RBKS: variants seen among roughly 807,000 people sequenced by gnomAD.
RBKS encodes ribokinase.
Under a neutral mutation model 33.9 loss-of-function variants are expected in RBKS, and 33 were observed. The observed-to-expected ratio is 0.97, with a 90% CI of 0.74 to 1.30. The LOEUF is 1.30. RBKS is among the 50% of genes most tolerant of loss of function. The pLI, the probability that RBKS is intolerant of heterozygous loss-of-function variation, is 0.00. For missense variants in RBKS, 361 were observed against 392.6 expected (o/e 0.92, Z 0.68); for synonymous variants, 125 against 143.0 (o/e 0.87, Z 0.90).
chr2:27,842,842 A>G (rs1305062976), intron 5 of RBKS, among the ~76,000 whole-genome samples: 1 of 151,932 alleles, frequency 6.6e-6, no homozygotes, highest in Non-Finnish European at 1.5e-5. Flanking sequence ...GCTACATTGA[A>G]GATTTATATT....
At chr2:27,861,658 CT>C in intron 1 of RBKS, 1 of 317,706 alleles carries the variant, frequency 3.1e-6, no homozygotes, top group South Asian at 2.3e-5. Context: ...TGTTCCATTT[CT>C]TTTTGGGGGG....
chr2:27,875,616 A>G (rs754536101), intron 1 of RBKS, among the ~76,000 whole-genome samples: 2 of 152,234 alleles, frequency 1.3e-5, no homozygotes, highest in Non-Finnish European at 2.9e-5. Context: ...AGCTCTAGGA[A>G]TTTACCTAAG....
At chr2:27,800,397 CT>C (rs1158042884) in intron 7 of RBKS, among the ~76,000 whole-genome samples, 2 of 152,172 alleles carry the variant, frequency 1.3e-5, no homozygotes, top group African/African-American at 4.8e-5. Context: ...CACTTACTAG[CT>C]GTGTGACCTC....
chr2:27,867,376 C>A (rs940812484), intron 1 of RBKS, among the ~76,000 whole-genome samples: 1 of 152,054 alleles, frequency 6.6e-6, no homozygotes, highest in Non-Finnish European at 1.5e-5. Flanking sequence ...GGGGTGAGAA[C>A]AGGGCAAAAG....
chr2:27,841,632 G>T (rs543006839), intron 5 of RBKS, among the ~76,000 whole-genome samples: 2 of 151,752 alleles, frequency 1.3e-5, no homozygotes, highest in Admixed American at 6.6e-5. Context: ...AAATCAGGAC[G>T]AACATTTTAA....
intron 7 of RBKS, among the ~76,000 whole-genome samples, chr2:27,818,291 T>C (rs1678136857): frequency 6.6e-6 from 1 of 152,190 alleles, no homozygotes; most frequent in Non-Finnish European, 1.5e-5. Context: ...CTGTACAAAG[T>C]AAGCAAGGCC....
chr2:27,826,555 T>G (rs910999635), intron 7 of RBKS, among the ~76,000 whole-genome samples: 3 of 152,038 alleles, frequency 2.0e-5, no homozygotes, highest in Non-Finnish European at 4.4e-5. Context: ...ACTACAGGTG[T>G]GCACCACCAT....
intron 1 of RBKS, among the ~76,000 whole-genome samples, chr2:27,887,301 A>G (rs1664554269): frequency 6.6e-6 from 1 of 152,064 alleles, no homozygotes; most frequent in Non-Finnish European, 1.5e-5. Context: ...AAGAAAACAG[A>G]TCCTCCTCTA....
At chr2:27,783,157 A>AGG (rs550706803) in intron 7 of RBKS, among the ~76,000 whole-genome samples, 25 of 152,210 alleles carry the variant, frequency 1.6e-4, no homozygotes, top group Non-Finnish European at 1.9e-4. Flanking sequence ...AAGATGCCCC[A>AGG]GGGGGCCGGG....
chr2:27,790,191 C>T (rs1677496129), intron 7 of RBKS, among the ~76,000 whole-genome samples: 1 of 151,892 alleles, frequency 6.6e-6, no homozygotes, highest in South Asian at 2.1e-4. Context: ...GAAACGCAAC[C>T]TGTACCCAGT....
At chr2:27,853,775 C>T (rs1016147361) in intron 2 of RBKS, among the ~76,000 whole-genome samples, 16 of 152,306 alleles carry the variant, frequency 1.1e-4, no homozygotes, top group African/African-American at 3.6e-4. Context: ...CTCATTTCTA[C>T]CATTTCTTCC....
At position 27,847,060 on chromosome 2, in the gene RBKS, T is replaced by C. The variant is rs142431910; in HGVS notation, c.331A>G (p.Ile111Val). The C allele has an allele frequency of 1.1e-4, 169 of 1,606,334 alleles. No homozygotes were observed. The highest frequency in any genetic ancestry group is 6.6e-4 in the African/African-American group (49 of 74,748). ...TKDAATGTAS[I>V]IVNNEGQNII... ...CACTTACCTTCATTATTGACAATTA[T>C]AGAAGCAGTTCCTGTAGCAGCATCT... The change falls in exon 4 of 8, where the codon ATA (isoleucine) becomes GTA (valine). Residue 111 changes from isoleucine (I) to valine (V), a missense_variant. Ile to Val is a conservative substitution (Grantham distance 29). Coordinates refer to ENST00000302188, the MANE Select transcript of RBKS (RefSeq NM_022128.3).
chr2:27,860,190 A>G (rs1663945735), intron 1 of RBKS, among the ~76,000 whole-genome samples: 2 of 152,204 alleles, frequency 1.3e-5, no homozygotes, highest in South Asian at 4.1e-4. Flanking sequence ...AAGGTACTCA[A>G]TCAAGAGAAA....
chr2:27,832,494 G>A (rs1181624721), intron 6 of RBKS, among the ~76,000 whole-genome samples, 192 bp downstream of exon 6: 1 of 152,132 alleles, frequency 6.6e-6, no homozygotes, highest in Non-Finnish European at 1.5e-5. Flanking sequence ...AAGTGACTCA[G>A]AGAATCCTTT....
intron 7 of RBKS, among the ~76,000 whole-genome samples, chr2:27,794,329 TAATA>T (rs1677596959): frequency 6.8e-6 from 1 of 147,410 alleles, no homozygotes; most frequent in Non-Finnish European, 1.5e-5. Flanking sequence ...ATAATAATAA[TAATA>T]ATAATAATAA....
chr2:27,819,795 GC>G (rs1293747530), intron 7 of RBKS, among the ~76,000 whole-genome samples: 1 of 152,222 alleles, frequency 6.6e-6, no homozygotes, highest in Non-Finnish European at 1.5e-5. Flanking sequence ...AAACAGTGAT[GC>G]TTTGACATTT....
intron 4 of RBKS, among the ~76,000 whole-genome samples, chr2:27,845,227 T>G (rs1301619359): frequency 6.6e-6 from 1 of 152,266 alleles, no homozygotes; most frequent in East Asian, 1.9e-4. Context: ...AGACTATAGC[T>G]GTCTGATGGA....
intron 1 of RBKS, among the ~76,000 whole-genome samples, chr2:27,859,850 TATATTA>T (rs1663936822): frequency 1.3e-5 from 2 of 152,226 alleles, no homozygotes; most frequent in African/African-American, 4.8e-5. Context: ...GTCAGTATCT[TATATTA>T]GAACAGAGCA....
Position 27,795,160 on chromosome 2 carries a change from TC to T in RBKS, c.796-13373del, listed in dbSNP as rs938978131. 2.0e-4 allele frequency among the ~76,000 whole-genome samples: 31 copies of T among 152,164 alleles called. No individual in the cohort carries two copies. The highest frequency in any genetic ancestry group is 7.5e-4 in the African/African-American group (31 of 41,440). On this transcript the variant is annotated intron_variant, in intron 7 of 7. Transcript: ENST00000302188. This position sits in a 1 kb window ranked among gnomAD's most constrained non-coding sequence, Gnocchi z 4.1. ...CTGCTGACTCCTTAGAGTTTTACAA[TC>T]CCTTAAAAGTCCTGTGTGTTCAATT... is the stretch of plus-strand genomic sequence containing the variant.
Sources: gnomAD v4.1 joint callset for allele counts (sites outside exome capture counted in the v4.1 genomes callset) on GRCh38, gnomAD v4.1.1 for gene constraint, Gnocchi (gnomAD v3.1) non-coding constraint, MANE v1.5 for transcripts, NCBI Gene and HGNC (gene_info 2026-07-23, HGNC 2026-07-21) for gene names.